Variants in TAFA1 observed in about 807,000 individuals in gnomAD.
TAFA1 encodes the protein TAFA chemokine like family member 1.
A neutral mutation model predicts 18.5 loss-of-function variants in TAFA1; 4 were observed. That is an observed-to-expected ratio of 0.22 (90% CI 0.11 to 0.49). TAFA1 has a LOEUF of 0.49. Ranked by LOEUF, TAFA1 falls within the 20% of genes least tolerant of loss-of-function variation. TAFA1 has a pLI of 0.98. For synonymous variants in TAFA1, 56 were observed against 55.2 expected, an observed-to-expected ratio of 1.01 and a Z score of -0.06; for missense variants, 147 against 169.0, an observed-to-expected ratio of 0.87 and a Z score of 0.72.
At chr3:68,042,557 G>A (rs941355722) in intron 2 of TAFA1, among the ~76,000 whole-genome samples, 14 of 152,244 alleles carry the variant, frequency 9.2e-5, no homozygotes, top group South Asian at 4.1e-4. Flanking sequence ...GCTGAGGCAG[G>A]AGAATCTCTT....
intron 2 of TAFA1, among the ~76,000 whole-genome samples, chr3:68,339,142 G>A (rs569887921): frequency 4.7e-4 from 71 of 152,350 alleles, no homozygotes; most frequent in African/African-American, 1.7e-3. Context: ...TGGATGCTGA[G>A]AGCAGGGTAG....
At chr3:68,417,525 T>A in intron 3 of TAFA1, 105 bp downstream of exon 3, 1 of 1,097,324 alleles carries the variant, frequency 9.1e-7, no homozygotes, top group Non-Finnish European at 1.3e-6. Flanking sequence ...ACAAGGTGCA[T>A]CCGAAGTGTT....
chr3:68,028,247 C>T (rs1704858343), intron 2 of TAFA1, among the ~76,000 whole-genome samples: 1 of 151,952 alleles, frequency 6.6e-6, no homozygotes, highest in African/African-American at 2.4e-5. Flanking sequence ...TTGCAATGAG[C>T]CAACATCATG....
At chr3:68,412,445 T>C (rs2070735768) in intron 2 of TAFA1, among the ~76,000 whole-genome samples, 1 of 152,186 alleles carries the variant, frequency 6.6e-6, no homozygotes, top group African/African-American at 2.4e-5. Context: ...GTTACATATG[T>C]ATACATGTGC....
chr3:68,276,081 T>C (rs1207967185), intron 2 of TAFA1, among the ~76,000 whole-genome samples: 1 of 151,956 alleles, frequency 6.6e-6, no homozygotes, highest in African/African-American at 2.4e-5. Flanking sequence ...ATATCTACTG[T>C]TAAAATTCTA....
At chr3:68,320,412 G>A (rs1214090257) in intron 2 of TAFA1, among the ~76,000 whole-genome samples, 2 of 152,210 alleles carry the variant, frequency 1.3e-5, no homozygotes, top group Non-Finnish European at 2.9e-5. Context: ...TCTTGTGCCA[G>A]CTGGATCTAG....
chr3:68,461,315 A>AAACC (rs1158162587), intron 3 of TAFA1, among the ~76,000 whole-genome samples: 30 of 144,404 alleles, frequency 2.1e-4, no homozygotes, highest in South Asian at 2.2e-4. Context: ...ACAAACAAAC[A>AAACC]AACCTGGCCA....
upstream of TAFA1, among the ~76,000 whole-genome samples, chr3:67,999,864 C>G (rs1259209582): frequency 6.6e-6 from 1 of 151,498 alleles, no homozygotes; most frequent in Non-Finnish European, 1.5e-5. Context: ...TCTCGGCTCA[C>G]TGCAACCTCT....
chr3:68,366,512 A>G (rs2069575486), intron 2 of TAFA1, among the ~76,000 whole-genome samples: 1 of 152,200 alleles, frequency 6.6e-6, no homozygotes, highest in African/African-American at 2.4e-5. Flanking sequence ...TATGTCTGCA[A>G]TGGAGAAAGG....
At chr3:68,535,534 C>A (rs1328499178) in intron 3 of TAFA1, among the ~76,000 whole-genome samples, 1 of 152,148 alleles carries the variant, frequency 6.6e-6, no homozygotes, top group Non-Finnish European at 1.5e-5. Context: ...TGCTTGCTGG[C>A]CATATCCAGT....
chr3:68,007,454 C>G (rs1704378173), intron 2 of TAFA1, among the ~76,000 whole-genome samples: 1 of 152,114 alleles, frequency 6.6e-6, no homozygotes, highest in Non-Finnish European at 1.5e-5. Flanking sequence ...TTTTGCTCTC[C>G]TTCTTTGCCT....
At chr3:68,356,615 C>A (rs1034355960) in intron 2 of TAFA1, among the ~76,000 whole-genome samples, 2 of 151,838 alleles carry the variant, frequency 1.3e-5, no homozygotes, top group Non-Finnish European at 1.5e-5. Flanking sequence ...CGCCACCATC[C>A]TGTGAGATGG....
intron 2 of TAFA1, among the ~76,000 whole-genome samples, chr3:68,194,529 TA>T (rs1373121992): frequency 1.3e-5 from 2 of 151,770 alleles, no homozygotes; most frequent in Non-Finnish European, 2.9e-5. Context: ...TATATTGTAC[TA>T]AAAAAATTTA....
rs1028491444 is a variant in TAFA1, at chr3:68,385,724, C to CT, written c.119-31547dup. On this transcript the variant is annotated intron_variant, in intron 2 of 4. Transcript: ENST00000478136. ...CTGTAGGCCAAACTCTACTTGCCTC[C>CT]TTTTTTTTTAAGTAGTTTCCTACTG... 2.8e-4 allele frequency among the ~76,000 whole-genome samples: 43 copies of CT among 150,920 alleles called. No individual in the cohort carries two copies. The East Asian group carries it at 6.2e-3, about 22-fold the overall frequency.
At chr3:68,307,671 G>A (rs72626944) in intron 2 of TAFA1, among the ~76,000 whole-genome samples, 3,937 of 152,062 alleles carry the variant, frequency 0.026, 91 homozygotes, top group East Asian at 0.098. Context: ...AGCTGCACAG[G>A]GCAAGGCACT....
chr3:68,042,190 G>A (rs945564109), intron 2 of TAFA1, among the ~76,000 whole-genome samples: 6 of 152,066 alleles, frequency 3.9e-5, no homozygotes, highest in Non-Finnish European at 7.3e-5. Flanking sequence ...CCTTGAGCCT[G>A]TAGGGTACTG....
At chr3:68,510,702 T>C (rs2072831889) in intron 3 of TAFA1, among the ~76,000 whole-genome samples, 1 of 152,134 alleles carries the variant, frequency 6.6e-6, no homozygotes, top group Admixed American at 6.6e-5. Flanking sequence ...ATGAGTGACA[T>C]AGTTAATTAA....
At chr3:68,279,420 A>G (rs1198752687) in intron 2 of TAFA1, among the ~76,000 whole-genome samples, 2 of 152,122 alleles carry the variant, frequency 1.3e-5, no homozygotes, top group African/African-American at 2.4e-5. Context: ...CTAATTATTA[A>G]TCTTATCAAG....
intron 3 of TAFA1, among the ~76,000 whole-genome samples, chr3:68,467,501 T>C (rs145610779): frequency 1.5e-4 from 23 of 152,292 alleles, no homozygotes; most frequent in African/African-American, 5.1e-4. Flanking sequence ...GTAAGGAAGA[T>C]TTTATTCAAG....
Sources: allele counts gnomAD v4.1 joint callset (sites outside exome capture counted in the v4.1 genomes callset), GRCh38; gene constraint gnomAD v4.1.1; transcripts MANE v1.5; gene names NCBI Gene and HGNC (gene_info 2026-07-23, HGNC 2026-07-21).